The following TGM5 variants were observed in gnomAD, a reference collection of about 807,000 sequenced individuals.
TGM5 encodes the protein transglutaminase 5.
TGM5 carries 69 observed loss-of-function variants against 77.2 expected under a neutral mutation model. The observed-to-expected ratio is 0.89, with a 90% confidence interval of 0.74 to 1.09. The LOEUF (loss-of-function observed/expected upper bound fraction) is 1.09, where lower values mean the gene tolerates loss of function less well. Among genes scored for constraint, TGM5 ranks in the 50% least tolerant of loss-of-function variants. The pLI is 0.00. For synonymous variants in TGM5, 346 were observed against 351.8 expected (o/e 0.98, Z 0.18); for missense variants, 842 against 896.5 (o/e 0.94, Z 0.78).
intron 3 of TGM5, among the ~76,000 whole-genome samples, chr15:43,259,391 A>G (rs779248176): frequency 1.1e-4 from 16 of 152,126 alleles, no homozygotes; most frequent in Non-Finnish European, 2.4e-4. Context: ...CAGTGAAATA[A>G]TTGTAGCTGC....
chr15:43,241,636 T>A (rs570279119), intron 6 of TGM5, among the ~76,000 whole-genome samples: 2 of 152,262 alleles, frequency 1.3e-5, no homozygotes, highest in South Asian at 4.2e-4. Context: ...GCCAGCCAAC[T>A]TCCTTTCTTT....
At chr15:43,254,424 T>A (rs1420924789) in intron 4 of TGM5, among the ~76,000 whole-genome samples, 1 of 152,198 alleles carries the variant, frequency 6.6e-6, no homozygotes, top group Non-Finnish European at 1.5e-5. Context: ...AATGAATACA[T>A]TTATTCCTGT....
intron 9 of TGM5, 141 bp from the exon 10 acceptor site, chr15:43,235,978 A>C: frequency 4.3e-6 from 5 of 1,163,964 alleles, no homozygotes; most frequent in Non-Finnish European, 6.2e-6. Flanking sequence ...TCCACTCCTC[A>C]TGTGCTTTCC....
In TGM5 at chr15:43,251,485, C is replaced by T. The variant is rs866143091; in HGVS notation, c.862+1274G>A. The stretch of plus-strand genomic sequence containing the variant: ...ACACACAAAATTCTACCCAGAAGGC[C>T]TGAGCCCCCAATAAACACCAAGCTA... On this transcript the variant is annotated intron_variant, in intron 6 of 12. Transcript: ENST00000220420. Among the ~76,000 whole-genome samples the T allele has an allele frequency of 4.6e-5, 7 of 152,336 alleles. 1 individual carries two copies. The South Asian group carries it at 1.4e-3, about 32-fold the overall frequency.
intron 9 of TGM5, among the ~76,000 whole-genome samples, chr15:43,238,577 G>A (rs759080004): frequency 6.6e-6 from 1 of 152,262 alleles, no homozygotes; most frequent in Non-Finnish European, 1.5e-5. Context: ...TTCATATTCT[G>A]TTTGGGCTCC....
chr15:43,242,558 A>C (rs1429404250), intron 6 of TGM5, among the ~76,000 whole-genome samples: 1 of 152,190 alleles, frequency 6.6e-6, no homozygotes, highest in African/African-American at 2.4e-5. Flanking sequence ...AAAAGTTTAT[A>C]ATTTTTAGTT....
At chr15:43,260,735 G>A (rs1333793771) in intron 1 of TGM5, 156 bp from the exon 2 acceptor site, 1 of 799,522 alleles carries the variant, frequency 1.3e-6, no homozygotes, top group African/African-American at 1.7e-5. Context: ...CTGCCAGGAT[G>A]AGGATAAGGA....
At chr15:43,244,689 A>T (rs2042659313) in intron 6 of TGM5, among the ~76,000 whole-genome samples, 1 of 152,230 alleles carries the variant, frequency 6.6e-6, no homozygotes, top group Admixed American at 6.5e-5. Context: ...GATGAAGAGG[A>T]TACAAAAATG....
intron 1 of TGM5, among the ~76,000 whole-genome samples, chr15:43,265,211 G>A (rs1223510147): frequency 6.6e-6 from 1 of 152,148 alleles, no homozygotes; most frequent in Non-Finnish European, 1.5e-5. Context: ...CTCGTCTAAG[G>A]TTAAACCAGG....
chr15:43,241,027 T>C (rs1340313939), intron 6 of TGM5, 37 bp from the exon 7 acceptor site: 3 of 1,613,986 alleles, frequency 1.9e-6, no homozygotes, highest in East Asian at 2.2e-5. Context: ...CTGTGAGCTG[T>C]AGATTCCGGA....
Position 43,234,939 on chromosome 15 carries a change from G to C in TGM5, c.1715-10C>G. On this transcript the variant is annotated splice_polypyrimidine_tract_variant and intron_variant, in intron 10 of 12. Transcript: ENST00000220420. ...CAGGGGTAGGTCTTTGCTAAAGAAA[G>C]AACACAAGGATGGGGTGAGAGTAGC... is the stretch of plus-strand genomic sequence containing the variant. 6.2e-7 allele frequency: 1 copy of C among 1,613,730 alleles called. No individual in the cohort carries two copies.
At position 43,260,570 on chromosome 15, in the gene TGM5, A is replaced by C. The variant is rs1566837193; in HGVS notation, c.20T>G (p.Val7Gly). 5 of 1,614,036 alleles carry C rather than the reference A, an allele frequency of 3.1e-6. No homozygotes were observed. In the Admixed American group the frequency reaches 8.3e-5, roughly 27 times the overall value. Residue 7 changes from valine (V) to glycine (G), a missense_variant, in exon 2 of 13, where the codon GTG (valine) becomes GGG (glycine). Transcript: ENST00000220420. ...GGAGCTCTGGAGGTCTGTGAGGGCC[A>C]CTTCTAGCCCTGCAATGGGGCAGCC... MAQGLEVALTDLQSSRN... is the reference protein window; with the variant it reads MAQGLEGALTDLQSSRN...
At chr15:43,260,961 G>A (rs2042781492) in intron 1 of TGM5, among the ~76,000 whole-genome samples, 1 of 151,078 alleles carries the variant, frequency 6.6e-6, no homozygotes, top group Non-Finnish European at 1.5e-5. Flanking sequence ...TTGGACTCAA[G>A]TTAACAGTCT....
intron 5 of TGM5, 103 bp downstream of exon 5, chr15:43,253,403 T>C (rs2042719678): frequency 2.6e-6 from 4 of 1,530,408 alleles, no homozygotes; most frequent in Admixed American, 1.8e-5. Flanking sequence ...CAAGATGGCT[T>C]TGCCAGAGGG....
chr15:43,235,486 GTGA>G lies in TGM5; in HGVS notation c.1694_1696del (p.Ile565del), dbSNP rs759308780. ...ATGCGTACCTTCTTTAGGAGAGAGT[GTGA>G]TGAACGCTGTGTCCTGCCAGAATGG... On this transcript the variant is annotated inframe_deletion, in exon 10 of 13. Coordinates refer to ENST00000220420, the MANE Select transcript of TGM5 (RefSeq NM_201631.4). 9.9e-6 allele frequency: 16 copies of G among 1,614,062 alleles called. No individual in the cohort carries two copies. Among genetic ancestry groups the G allele is most frequent in the Non-Finnish European group, 1.4e-5 (16 of 1,180,038 alleles).
intron 1 of TGM5, among the ~76,000 whole-genome samples, chr15:43,265,203 C>T (rs1003230199): frequency 6.6e-6 from 1 of 152,176 alleles, no homozygotes; most frequent in African/African-American, 2.4e-5. Flanking sequence ...TTAAATATCT[C>T]GTCTAAGGTT....
intron 9 of TGM5, among the ~76,000 whole-genome samples, chr15:43,237,383 G>A (rs368428855): frequency 6.6e-6 from 1 of 152,208 alleles, no homozygotes; most frequent in Non-Finnish European, 1.5e-5. Context: ...ACCAACAGGA[G>A]TTGATGGATA....
chr15:43,237,234 C>T (rs1021978852), intron 9 of TGM5, among the ~76,000 whole-genome samples: 1 of 152,210 alleles, frequency 6.6e-6, no homozygotes, highest in Non-Finnish European at 1.5e-5. Flanking sequence ...TCAGTGTCCA[C>T]AGGCCCTACT....
In TGM5 at chr15:43,233,098, C is replaced by T; in HGVS notation, c.*93G>A. The T allele has an allele frequency of 1.3e-6, 2 of 1,512,070 alleles. No homozygotes were observed. Among genetic ancestry groups the T allele is most frequent in the East Asian group, 2.3e-5 (1 of 43,130 alleles). 93.7% of individuals were successfully genotyped at this position (1,512,070 alleles called of 1,614,324 possible). On this transcript the variant is annotated 3_prime_UTR_variant, in exon 13 of 13. Coordinates refer to ENST00000220420, the MANE Select transcript of TGM5 (RefSeq NM_201631.4). ...GGCTCTTGCTGGAGCCCTGTGAAGC[C>T]TCTGTTGTGGTGGGGAATGGCGCAG...
Sources: allele counts gnomAD v4.1 joint callset (sites outside exome capture counted in the v4.1 genomes callset), GRCh38; gene constraint gnomAD v4.1.1; transcripts MANE v1.5; gene names NCBI Gene and HGNC (gene_info 2026-07-23, HGNC 2026-07-21).